CERS6: variants seen among roughly 807,000 people sequenced by gnomAD.
The protein encoded by CERS6 is LAG1 homolog, ceramide synthase 6.
In CERS6, 26 loss-of-function variants were observed where a neutral mutation model predicts 56.8. That is an observed-to-expected ratio of 0.46 (90% CI 0.34 to 0.63). The LOEUF (loss-of-function observed/expected upper bound fraction) is 0.63. CERS6 is among the 30% of genes least tolerant of loss of function. CERS6 has a pLI of 0.01. For synonymous variants in CERS6, 164 were observed against 173.3 expected (o/e 0.95, Z 0.42); for missense variants, 415 against 467.5 (o/e 0.89, Z 1.04).
At chr2:168,640,489 A>G (rs1684963535) in intron 4 of CERS6, among the ~76,000 whole-genome samples, 1 of 152,178 alleles carries the variant, frequency 6.6e-6, no homozygotes, top group Admixed American at 6.5e-5. Flanking sequence ...GACAGCAGTG[A>G]TTGTGGGCAC....
At position 168,697,311 on chromosome 2, in the gene CERS6, C is replaced by T. The variant is rs549218492; in HGVS notation, c.609+2260C>T. Among the ~76,000 whole-genome samples, 14 of 152,278 alleles carry T rather than the reference C, an allele frequency of 9.2e-5. No homozygotes were observed. The East Asian group carries it at 2.7e-3, about 29-fold the overall frequency. On this transcript the variant is annotated intron_variant, in intron 6 of 9. Coordinates refer to ENST00000305747, the MANE Select transcript of CERS6 (RefSeq NM_203463.3). Reference sequence around the variant, plus strand: ...GTTCCCTTACTCATTGCACCCAACACTCCGAGTTGGTTTCTGAAATCATTT... The same window carrying T: ...GTTCCCTTACTCATTGCACCCAACATTCCGAGTTGGTTTCTGAAATCATTT...
Position 168,670,975 on chromosome 2 carries a change from C to CCCCG in CERS6, c.466-20056_466-20055insGCCC, listed in dbSNP as rs373036962. ...GTGCTGGATACATGCTTCCCCCCCC[C>CCCCG]CCCCCAGACGGAAGCTTGCTCTGTT... is the stretch of plus-strand genomic sequence containing the variant. On this transcript the variant is annotated intron_variant, in intron 4 of 9. Transcript: ENST00000305747. Among the ~76,000 whole-genome samples the CCCCG allele has an allele frequency of 1.4e-4, 10 of 70,064 alleles. 2 individuals are homozygous for CCCCG. Among genetic ancestry groups the CCCCG allele is most frequent in the East Asian group, 7.9e-4 (2 of 2,536 alleles). The allele number at this position is 70,064 out of a possible 152,430, so 46.0% of individuals were successfully genotyped here.
At chr2:168,513,662 G>T (rs1436924922) in intron 1 of CERS6, among the ~76,000 whole-genome samples, 2 of 152,196 alleles carry the variant, frequency 1.3e-5, no homozygotes, top group East Asian at 3.8e-4. Flanking sequence ...GGCTGATGCA[G>T]TGTTTGCCAG....
intron 4 of CERS6, among the ~76,000 whole-genome samples, chr2:168,645,112 AAAAAAT>A (rs1685148996): frequency 2.1e-5 from 1 of 47,736 alleles, no homozygotes; most frequent in Non-Finnish European, 4.1e-5. Flanking sequence ...AAAAAAAAAA[AAAAAAT>A]ATATATATAT....
At chr2:168,523,417 A>C (rs1243908661) in intron 1 of CERS6, among the ~76,000 whole-genome samples, 1 of 152,212 alleles carries the variant, frequency 6.6e-6, no homozygotes, top group Non-Finnish European at 1.5e-5. Flanking sequence ...TCTGATTTTC[A>C]TGATTGTCTG....
chr2:168,628,047 CT>C (rs954326910), intron 3 of CERS6, among the ~76,000 whole-genome samples: 1 of 152,056 alleles, frequency 6.6e-6, no homozygotes, highest in Non-Finnish European at 1.5e-5. Flanking sequence ...TGACTTACAA[CT>C]TTCTGTTTTG....
At chr2:168,547,198 G>A (rs1695480955) in intron 1 of CERS6, among the ~76,000 whole-genome samples, 1 of 152,184 alleles carries the variant, frequency 6.6e-6, no homozygotes, top group East Asian at 1.9e-4. Context: ...TGGATAATTA[G>A]ATGCTTAGTA....
chr2:168,648,309 A>G (rs1685254875), intron 4 of CERS6, among the ~76,000 whole-genome samples: 1 of 152,032 alleles, frequency 6.6e-6, no homozygotes, highest in Non-Finnish European at 1.5e-5. Context: ...TGTGTGCGCA[A>G]AGGTGTTCCT....
At chr2:168,543,893 C>T (rs1278714077) in intron 1 of CERS6, among the ~76,000 whole-genome samples, 1 of 152,122 alleles carries the variant, frequency 6.6e-6, no homozygotes, top group Non-Finnish European at 1.5e-5. Flanking sequence ...AGTGGTCAGT[C>T]TCCTACCTTC....
At chr2:168,733,385 A>T (rs1683608886) in intron 8 of CERS6, among the ~76,000 whole-genome samples, 1 of 152,234 alleles carries the variant, frequency 6.6e-6, no homozygotes, top group Admixed American at 6.5e-5. Flanking sequence ...TTTCCACATC[A>T]CCTGAGAACA....
At chr2:168,515,375 T>C (rs893110850) in intron 1 of CERS6, among the ~76,000 whole-genome samples, 1 of 152,158 alleles carries the variant, frequency 6.6e-6, no homozygotes, top group African/African-American at 2.4e-5. Context: ...AGTGTAATTT[T>C]GGTAATTTAA....
At chr2:168,471,063 G>A (rs1396579080) in intron 1 of CERS6, among the ~76,000 whole-genome samples, 1 of 152,164 alleles carries the variant, frequency 6.6e-6, no homozygotes, top group Non-Finnish European at 1.5e-5. Context: ...CACCTGGTTA[G>A]TGTCAAGCCA....
At chr2:168,748,830 G>GT (rs1491371351) in intron 8 of CERS6, among the ~76,000 whole-genome samples, 2 of 120,980 alleles carry the variant, frequency 1.7e-5, no homozygotes, top group East Asian at 3.0e-4. Flanking sequence ...GTGGTTGGGG[G>GT]TGGGGGGGGG....
intron 1 of CERS6, among the ~76,000 whole-genome samples, chr2:168,541,494 G>A (rs1042495805): frequency 6.7e-6 from 1 of 148,348 alleles, no homozygotes; most frequent in Non-Finnish European, 1.5e-5. Flanking sequence ...TTTTTTTTCA[G>A]ATTGCATGGT....
chr2:168,530,720 C>T (rs764109086), intron 1 of CERS6, among the ~76,000 whole-genome samples: 14 of 152,052 alleles, frequency 9.2e-5, no homozygotes, highest in Non-Finnish European at 1.8e-4. Context: ...TAGCAAGGAG[C>T]GGCAGTTTTG....
chr2:168,671,260 C>T (rs1248235155), intron 4 of CERS6, among the ~76,000 whole-genome samples: 3 of 152,038 alleles, frequency 2.0e-5, no homozygotes, highest in Admixed American at 6.6e-5. Context: ...CCGCTGGGCC[C>T]GGCCACATGC....
intron 3 of CERS6, among the ~76,000 whole-genome samples, chr2:168,575,578 C>G (rs1281027299): frequency 2.0e-5 from 3 of 152,114 alleles, no homozygotes; most frequent in African/African-American, 4.8e-5. Flanking sequence ...GGTGGGGACA[C>G]AGAGCCAAAC....
intron 8 of CERS6, among the ~76,000 whole-genome samples, chr2:168,742,143 C>T (rs941571014): frequency 6.6e-6 from 1 of 152,198 alleles, no homozygotes; most frequent in African/African-American, 2.4e-5. Flanking sequence ...ATGTTGTTCA[C>T]TTTAAATGGC....
chr2:168,668,183 T>A (rs1464194495), intron 4 of CERS6, among the ~76,000 whole-genome samples: 6 of 152,188 alleles, frequency 3.9e-5, no homozygotes, highest in Admixed American at 3.9e-4. Context: ...GACTTTGCAT[T>A]GTATCCCATA....
Sources: allele counts gnomAD v4.1 joint callset (sites outside exome capture counted in the v4.1 genomes callset), GRCh38; gene constraint gnomAD v4.1.1; transcripts MANE v1.5; gene names NCBI Gene and HGNC (gene_info 2026-07-23, HGNC 2026-07-21).